The following ANKRD30B variants were observed in gnomAD, a reference collection of about 807,000 sequenced individuals.
ANKRD30B encodes ankyrin repeat domain 30B.
In ANKRD30B, 144 loss-of-function variants were observed where a neutral mutation model predicts 202.2. The observed-to-expected ratio is 0.71, with a 90% CI of 0.62 to 0.82. ANKRD30B has a LOEUF of 0.82. Among genes scored for constraint, ANKRD30B ranks in the 40% least tolerant of loss-of-function variants. The pLI, the probability that ANKRD30B is intolerant of heterozygous loss-of-function variation, is 0.00. For synonymous variants in ANKRD30B, 508 were observed against 561.3 expected (o/e 0.91, Z 1.34); for missense variants, 1,487 against 1,669.1 (o/e 0.89, Z 1.90).
chr18:14,799,106 C>T lies in ANKRD30B; in HGVS notation c.2035C>T (p.Pro679Ser). The change falls in exon 21 of 44, where the codon CCT becomes TCT. Residue 679 changes from proline (P) to serine (S), a missense_variant. By Grantham distance (74) the Pro-to-Ser change is moderately conservative. This residue lies in a region of ANKRD30B where 889 missense variants were observed against 841.4 expected (regional missense o/e 1.06). Transcript: ENST00000690538. ...KDRETLKAES[P>S]DNDGLLKPTC... is the part of the protein sequence containing the mutation. ...ATATGTCCCTTTTCTTTTAGAGTCTCCTGATAATGATGGTCTTCTGAAGGT... is the reference window on the plus strand; with the variant it reads ...ATATGTCCCTTTTCTTTTAGAGTCTTCTGATAATGATGGTCTTCTGAAGGT... 6.3e-7 allele frequency: 1 copy of T among 1,575,976 alleles called. No individual in the cohort carries two copies. The highest frequency in any genetic ancestry group is 8.7e-7 in the Non-Finnish European group (1 of 1,147,548).
chr18:14,809,538 C>G lies in ANKRD30B; in HGVS notation c.2387-448C>G, dbSNP rs547459320. On this transcript the variant is annotated intron_variant, in intron 26 of 43. Coordinates refer to ENST00000690538, the MANE Select transcript of ANKRD30B (RefSeq NM_001367607.2). ...TATCTTATCCATATGGACAGGCACC[C>G]CCCATGCATCTGTTTATAGGCTCTC... Among the ~76,000 whole-genome samples, 138 of 150,852 alleles carry G rather than the reference C, an allele frequency of 9.1e-4. 4 individuals are homozygous for G. The highest frequency in any genetic ancestry group is 8.7e-3 in the Admixed American group (132 of 15,212).
intron 30 of ANKRD30B, among the ~76,000 whole-genome samples, 156 bp from the exon 31 acceptor site, chr18:14,822,327 G>C (rs1194160172): frequency 6.6e-6 from 1 of 151,950 alleles, no homozygotes; most frequent in African/African-American, 2.4e-5. Flanking sequence ...ACTCTGGCAT[G>C]TTAACAAACA....
chr18:14,824,384 C>T (rs1970580268), intron 32 of ANKRD30B, among the ~76,000 whole-genome samples: 1 of 152,076 alleles, frequency 6.6e-6, no homozygotes, highest in African/African-American at 2.4e-5. Flanking sequence ...GATGGAGTTT[C>T]CCTCTTTCGC....
intron 41 of ANKRD30B, among the ~76,000 whole-genome samples, chr18:14,851,237 G>GTTTTT (rs375734323): frequency 2.1e-5 from 3 of 141,212 alleles, no homozygotes; most frequent in African/African-American, 7.8e-5. Context: ...TTCAGGGAAA[G>GTTTTT]TTTTTTTTTT....
chr18:14,836,398 T>A (rs1305269731), intron 34 of ANKRD30B, among the ~76,000 whole-genome samples: 1 of 152,096 alleles, frequency 6.6e-6, no homozygotes, highest in Non-Finnish European at 1.5e-5. Context: ...GTCCCCTACA[T>A]CCTGCACTTC....
chr18:14,798,783 C>T (rs1969105517), intron 20 of ANKRD30B, among the ~76,000 whole-genome samples: 1 of 152,148 alleles, frequency 6.6e-6, no homozygotes, highest in Non-Finnish European at 1.5e-5. Flanking sequence ...AGGCTCTCTG[C>T]AGGGGGTAGC....
At chr18:14,916,267 G>A in the ANKRD30B span, among the ~76,000 whole-genome samples, 1 of 152,208 alleles carries the variant, frequency 6.6e-6, no homozygotes, top group Non-Finnish European at 1.5e-5. Context: ...TGGGATGGGT[G>A]GCAGGAATCC....
chr18:14,822,532 A>G (rs1385708517), intron 31 of ANKRD30B, 21 bp downstream of exon 31: 4 of 1,261,474 alleles, frequency 3.2e-6, no homozygotes, highest in Non-Finnish European at 4.6e-6. Flanking sequence ...TTATATTTTT[A>G]TCTTGAATAT....
the ANKRD30B span, among the ~76,000 whole-genome samples, chr18:14,882,600 C>T: frequency 7.6e-4 from 116 of 152,202 alleles, 2 homozygotes; most frequent in East Asian, 0.019. Context: ...ATGAAATGTT[C>T]TGTATATATC....
At chr18:14,789,342 C>T (rs1051966216) in intron 15 of ANKRD30B, among the ~76,000 whole-genome samples, 1 of 152,116 alleles carries the variant, frequency 6.6e-6, no homozygotes, top group Non-Finnish European at 1.5e-5. Context: ...TTGTAGGTTG[C>T]CTGTTCACTC....
At chr18:14,858,759 G>C (rs529203438), downstream of ANKRD30B, among the ~76,000 whole-genome samples, 1 of 94,750 alleles carries the variant, frequency 1.1e-5, no homozygotes, top group Non-Finnish European at 2.3e-5. Context: ...CACCTCCCAG[G>C]GGGGGCAGCC....
At chr18:14,883,411 A>C in the ANKRD30B span, 52 of 43,906 alleles carry the variant, frequency 1.2e-3, no homozygotes, top group African/African-American at 4.1e-3. Flanking sequence ...ATATATATAT[A>C]TATATATATA....
At chr18:14,934,942 A>G in the ANKRD30B span, among the ~76,000 whole-genome samples, 1 of 149,342 alleles carries the variant, frequency 6.7e-6, no homozygotes, top group African/African-American at 2.6e-5. Flanking sequence ...ACACACACAC[A>G]CACACACCCC....
At chr18:14,939,864 G>A in the ANKRD30B span, among the ~76,000 whole-genome samples, 2 of 152,200 alleles carry the variant, frequency 1.3e-5, no homozygotes, top group South Asian at 2.1e-4. Context: ...CGCGTCCAGC[G>A]TAACTTACAA....
At chr18:14,753,276 T>C (rs1474762478) in intron 3 of ANKRD30B, among the ~76,000 whole-genome samples, 1 of 152,202 alleles carries the variant, frequency 6.6e-6, no homozygotes, top group African/African-American at 2.4e-5. Flanking sequence ...CCAAGGTTTT[T>C]TTTTCTTTCC....
At chr18:14,764,550 C>A (rs1288773563) in intron 7 of ANKRD30B, among the ~76,000 whole-genome samples, 1 of 142,030 alleles carries the variant, frequency 7.0e-6, no homozygotes, top group African/African-American at 2.5e-5. Context: ...CCCACCACCA[C>A]ACCTGGCTGA....
At chr18:14,794,204 G>C (rs1400466731) in intron 16 of ANKRD30B, among the ~76,000 whole-genome samples, 2 of 151,808 alleles carry the variant, frequency 1.3e-5, no homozygotes, top group African/African-American at 4.8e-5. Context: ...AAAAAATAAC[G>C]AAGGTAGTAT....
At chr18:14,804,907 G>A (rs1969409910) in intron 24 of ANKRD30B, among the ~76,000 whole-genome samples, 1 of 150,640 alleles carries the variant, frequency 6.6e-6, no homozygotes, top group East Asian at 1.9e-4. Flanking sequence ...TTTGTATGAA[G>A]GAAAATGGAG....
At chr18:14,776,767 ATTGT>A (rs1967382620) in intron 9 of ANKRD30B, among the ~76,000 whole-genome samples, 1 of 152,144 alleles carries the variant, frequency 6.6e-6, no homozygotes, top group South Asian at 2.1e-4. Flanking sequence ...TTATCTAATG[ATTGT>A]TTGCTTTCAT....
Sources: allele counts gnomAD v4.1 joint callset (sites outside exome capture counted in the v4.1 genomes callset), GRCh38; gene constraint gnomAD v4.1.1; regional missense constraint gnomAD v4.1.1; transcripts MANE v1.5; gene names NCBI Gene and HGNC (gene_info 2026-07-23, HGNC 2026-07-21).